Variants in DOCK5 observed in about 807,000 individuals in gnomAD.
DOCK5 encodes dedicator of cytokinesis 5.
In DOCK5, 142 loss-of-function variants were observed where a neutral mutation model predicts 251.8. The observed-to-expected ratio is 0.56, with a 90% CI of 0.49 to 0.65. The LOEUF (loss-of-function observed/expected upper bound fraction) is 0.65, where lower values mean the gene tolerates loss of function less well. Among genes scored for constraint, DOCK5 ranks in the 30% least tolerant of loss-of-function variants. The pLI is 0.00. For missense variants in DOCK5, 2,111 were observed against 2,312.3 expected (o/e 0.91, Z 1.79); for synonymous variants, 842 against 835.5 (o/e 1.01, Z -0.13).
intron 2 of DOCK5, among the ~76,000 whole-genome samples, chr8:25,266,457 C>T (rs879145548): frequency 4.0e-5 from 6 of 151,720 alleles, no homozygotes; most frequent in South Asian, 2.1e-4. Flanking sequence ...CCTCGTGATC[C>T]GCCCGCCTCA....
intron 5 of DOCK5, among the ~76,000 whole-genome samples, chr8:25,280,181 A>G (rs1022332741): frequency 1.3e-5 from 2 of 152,186 alleles, no homozygotes; most frequent in African/African-American, 2.4e-5. Flanking sequence ...AGAAATTCCT[A>G]TGGCGAATGT....
At chr8:25,282,774 C>T (rs951396213) in intron 5 of DOCK5, among the ~76,000 whole-genome samples, 6 of 137,912 alleles carry the variant, frequency 4.4e-5, no homozygotes, top group African/African-American at 1.1e-4. Flanking sequence ...TGCTTGAGCT[C>T]GGGTGGTTGA....
At chr8:25,278,864 C>T (rs187508894) in intron 5 of DOCK5, among the ~76,000 whole-genome samples, 199 bp downstream of exon 5, 271 of 152,236 alleles carry the variant, frequency 1.8e-3, no homozygotes, top group African/African-American at 5.9e-3. Flanking sequence ...AGTAACTGGG[C>T]GTAATCATTC....
At chr8:25,346,533 C>G (rs777493231) in intron 26 of DOCK5, among the ~76,000 whole-genome samples, 10 of 151,664 alleles carry the variant, frequency 6.6e-5, no homozygotes, top group Admixed American at 1.3e-4. Context: ...CTCTTGAAAA[C>G]ACAGGGCTAA....
At chr8:25,404,283 C>A (rs1005315033) in intron 48 of DOCK5, among the ~76,000 whole-genome samples, 1 of 152,088 alleles carries the variant, frequency 6.6e-6, no homozygotes, top group African/African-American at 2.4e-5. Context: ...AATATTATAT[C>A]TTGAAACTCT....
At chr8:25,390,375 GGGA>G (rs1801236572) in intron 42 of DOCK5, 88 bp downstream of exon 42, 17 of 1,216,752 alleles carry the variant, frequency 1.4e-5, no homozygotes. Flanking sequence ...CCGAAGCTGA[GGGA>G]GGAGTATTGC....
intron 6 of DOCK5, among the ~76,000 whole-genome samples, chr8:25,292,976 C>T (rs1349307810): frequency 6.6e-6 from 1 of 152,138 alleles, no homozygotes; most frequent in African/African-American, 2.4e-5. Flanking sequence ...CTACAATCAC[C>T]TCTACAGAGT....
chr8:25,194,984 A>C (rs1801685978), intron 1 of DOCK5, among the ~76,000 whole-genome samples: 1 of 151,652 alleles, frequency 6.6e-6, no homozygotes, highest in South Asian at 2.1e-4. Flanking sequence ...GTAGTGGCGC[A>C]ATCTTGGCTC....
At chr8:25,328,246 A>T (rs1805607788) in intron 18 of DOCK5, among the ~76,000 whole-genome samples, 1 of 152,116 alleles carries the variant, frequency 6.6e-6, no homozygotes, top group East Asian at 1.9e-4. Context: ...ATACAAAAAA[A>T]GTCAGAAGTA....
At chr8:25,252,202 T>C (rs546985626) in intron 2 of DOCK5, among the ~76,000 whole-genome samples, 12 of 152,256 alleles carry the variant, frequency 7.9e-5, no homozygotes, top group African/African-American at 2.6e-4. Flanking sequence ...TTGTTCCTCC[T>C]TTCTACTTGT....
At chr8:25,308,508 T>C (rs1015325856) in intron 11 of DOCK5, among the ~76,000 whole-genome samples, 1 of 152,158 alleles carries the variant, frequency 6.6e-6, no homozygotes, top group Non-Finnish European at 1.5e-5. Flanking sequence ...TGAAAGAGCA[T>C]GGAGTGTTGC....
At chr8:25,284,467 G>A (rs6982431) in intron 5 of DOCK5, among the ~76,000 whole-genome samples, 28,626 of 152,100 alleles carry the variant, frequency 0.19, 3,119 homozygotes, top group African/African-American at 0.28. Context: ...TTCCAGCTTC[G>A]GGCAGAAGGG....
At chr8:25,346,390 TAAC>T (rs1485784631) in intron 26 of DOCK5, among the ~76,000 whole-genome samples, 1 of 152,204 alleles carries the variant, frequency 6.6e-6, no homozygotes, top group Non-Finnish European at 1.5e-5. Context: ...CTCTGATGCC[TAAC>T]AACCTGATAT....
At chr8:25,367,095 C>T (rs533869211) in intron 31 of DOCK5, 125 bp downstream of exon 31, 1 of 809,706 alleles carries the variant, frequency 1.2e-6, no homozygotes, top group East Asian at 2.8e-5. Flanking sequence ...TGAGGTAAGT[C>T]TTCAACTAAT....
chr8:25,392,380 A>C (rs1801276723), intron 43 of DOCK5, among the ~76,000 whole-genome samples: 1 of 152,132 alleles, frequency 6.6e-6, no homozygotes, highest in South Asian at 2.1e-4. Context: ...TCCACAGGAG[A>C]AACGATGGCA....
In DOCK5 at chr8:25,213,768, G is replaced by A. The variant is rs187010434; in HGVS notation, c.43+28817G>A. ...ATTTGTTCTTGGAAATGACTTTGGT[G>A]GAGCCTGACAGTTTTATGCTTCTTA... On this transcript the variant is annotated intron_variant, in intron 1 of 51. Transcript: ENST00000276440. 6.6e-5 allele frequency among the ~76,000 whole-genome samples: 10 copies of A among 152,302 alleles called. No homozygotes were observed. The East Asian group carries it at 1.9e-3, about 29-fold the overall frequency.
intron 27 of DOCK5, among the ~76,000 whole-genome samples, chr8:25,356,907 T>TTATATATATA (rs34216387): frequency 7.6e-6 from 1 of 131,330 alleles, no homozygotes; most frequent in Admixed American, 7.8e-5. Flanking sequence ...TATATGAAGA[T>TTATATATATA]TATATATATA....
At chr8:25,295,189 A>AGCAC (rs1421902754) in intron 6 of DOCK5, among the ~76,000 whole-genome samples, 1 of 152,124 alleles carries the variant, frequency 6.6e-6, no homozygotes, top group Non-Finnish European at 1.5e-5. Context: ...CTATAATCCC[A>AGCAC]GCACTTTGGG....
intron 46 of DOCK5, among the ~76,000 whole-genome samples, chr8:25,400,211 G>A (rs1332110168): frequency 7.2e-5 from 11 of 152,068 alleles, no homozygotes; most frequent in Admixed American, 5.9e-4. Flanking sequence ...AAAGTTCATC[G>A]GCTGGGGCCG....
Sources: allele counts gnomAD v4.1 joint callset (sites outside exome capture counted in the v4.1 genomes callset), GRCh38; gene constraint gnomAD v4.1.1; transcripts MANE v1.5; gene names NCBI Gene and HGNC (gene_info 2026-07-23, HGNC 2026-07-21).